Variants in PDE3B observed in about 807,000 individuals in gnomAD.
PDE3B encodes phosphodiesterase 3B.
Under a neutral mutation model 116.8 loss-of-function variants are expected in PDE3B, and 66 were observed. That is an observed-to-expected ratio of 0.56 (90% CI 0.46 to 0.69). PDE3B has a LOEUF of 0.69. PDE3B is among the 30% of genes least tolerant of loss of function. The pLI is 0.00. For missense variants in PDE3B, 1,384 were observed against 1,368.1 expected, an observed-to-expected ratio of 1.01 and a Z score of -0.18; for synonymous variants, 595 against 533.6, an observed-to-expected ratio of 1.12 and a Z score of -1.59.
chr11:14,821,840 T>G (rs954932313), intron 7 of PDE3B, among the ~76,000 whole-genome samples: 1 of 152,076 alleles, frequency 6.6e-6, no homozygotes, highest in African/African-American at 2.4e-5. Flanking sequence ...TTGCCATTAT[T>G]AAGTACGAAA....
chr11:14,869,364 C>T (rs1000469569), intron 15 of PDE3B, 97 bp from the exon 16 acceptor site: 15 of 814,938 alleles, frequency 1.8e-5, no homozygotes, highest in African/African-American at 8.7e-5. Context: ...TACTTTTATA[C>T]TCCCAGTGCT....
intron 7 of PDE3B, among the ~76,000 whole-genome samples, chr11:14,825,086 G>C (rs1277963628): frequency 6.6e-6 from 1 of 152,100 alleles, no homozygotes; most frequent in African/African-American, 2.4e-5. Context: ...TGCTGAGGAA[G>C]TTTGTTACTA....
At chr11:14,874,121 T>C (rs1450325031), downstream of PDE3B, among the ~76,000 whole-genome samples, 8 of 152,224 alleles carry the variant, frequency 5.3e-5, no homozygotes, top group African/African-American at 1.4e-4. Context: ...TTATGAATTA[T>C]AGTATTTAGA....
intron 1 of PDE3B, among the ~76,000 whole-genome samples, chr11:14,686,869 A>AG (rs767938000): frequency 2.0e-5 from 3 of 151,988 alleles, no homozygotes; most frequent in Non-Finnish European, 4.4e-5. Flanking sequence ...GCCCGCCACC[A>AG]TGGCTGGCTA....
At chr11:14,883,674 A>G in the PDE3B span, among the ~76,000 whole-genome samples, 54 of 152,138 alleles carry the variant, frequency 3.5e-4, no homozygotes, top group Non-Finnish European at 6.2e-4. Flanking sequence ...AAAAGACAAA[A>G]TTGACAAATG....
the PDE3B span, among the ~76,000 whole-genome samples, chr11:14,878,767 G>C: frequency 6.6e-6 from 1 of 152,086 alleles, no homozygotes; most frequent in Non-Finnish European, 1.5e-5. Flanking sequence ...AGCCAAGAGA[G>C]TGAGATTCTA....
chr11:14,689,293 T>C (rs1035377474), intron 1 of PDE3B, among the ~76,000 whole-genome samples: 7 of 152,160 alleles, frequency 4.6e-5, no homozygotes, highest in African/African-American at 1.7e-4. Context: ...GGGTAGACGT[T>C]ATCTAGGTGG....
intron 1 of PDE3B, among the ~76,000 whole-genome samples, chr11:14,750,601 T>C (rs926888270): frequency 5.3e-5 from 8 of 152,058 alleles, no homozygotes; most frequent in Admixed American, 1.3e-4. Flanking sequence ...ATAATGTAGA[T>C]ATGATATAAA....
intron 11 of PDE3B, among the ~76,000 whole-genome samples, chr11:14,838,694 T>C (rs1860136592): frequency 6.6e-6 from 1 of 152,216 alleles, no homozygotes; most frequent in Admixed American, 6.5e-5. Flanking sequence ...AAGTATTAAG[T>C]CTGAACACCA....
chr11:14,783,526 G>T (rs905563195), intron 2 of PDE3B, among the ~76,000 whole-genome samples: 13 of 152,096 alleles, frequency 8.5e-5, no homozygotes, highest in Non-Finnish European at 1.0e-4. Context: ...ACCAAACACC[G>T]CATGTTCTTA....
chr11:14,892,262 C>T, the PDE3B span: 1 of 1,514,902 alleles, frequency 6.6e-7, no homozygotes, highest in South Asian at 1.2e-5. Context: ...GCACTCCCTC[C>T]AGCCCTGCCA....
chr11:14,824,084 G>A (rs186839429), intron 7 of PDE3B, among the ~76,000 whole-genome samples: 4 of 152,292 alleles, frequency 2.6e-5, no homozygotes, highest in Admixed American at 2.0e-4. Context: ...TGTTCTCCAC[G>A]TAGGTCCTGG....
intron 5 of PDE3B, among the ~76,000 whole-genome samples, chr11:14,813,866 CA>C (rs1448055367): frequency 6.6e-6 from 1 of 151,980 alleles, no homozygotes; most frequent in Non-Finnish European, 1.5e-5. Context: ...AAATCCTAAA[CA>C]AAAAGTTACA....
At chr11:14,673,021 G>A (rs1854420317) in intron 1 of PDE3B, among the ~76,000 whole-genome samples, 1 of 149,316 alleles carries the variant, frequency 6.7e-6, no homozygotes, top group Non-Finnish European at 1.5e-5. Flanking sequence ...ACAATGTATT[G>A]TGTCTATCAT....
At chr11:14,716,352 C>T (rs1030094812) in intron 1 of PDE3B, among the ~76,000 whole-genome samples, 2 of 151,852 alleles carry the variant, frequency 1.3e-5, no homozygotes, top group Admixed American at 6.6e-5. Flanking sequence ...GAGGGGAGCC[C>T]GCCATTGCCC....
rs940128037 is a variant in PDE3B, at chr11:14,666,048, C to G, written c.978+20995C>G. Among the ~76,000 whole-genome samples the G allele has an allele frequency of 3.4e-4, 51 of 151,936 alleles. No homozygotes were observed. In the South Asian group the frequency reaches 6.3e-3, roughly 19 times the overall value. ...CTTCAAACTATACTACAAGGCTACA[C>G]TAACCAAAACAGCATGGTACTGGTA... On this transcript the variant is annotated intron_variant, in intron 1 of 15. Transcript: ENST00000282096.
intron 11 of PDE3B, among the ~76,000 whole-genome samples, chr11:14,838,624 C>T (rs556494999): frequency 1.3e-5 from 2 of 152,320 alleles, no homozygotes; most frequent in African/African-American, 4.8e-5. Context: ...TCCAACTCCA[C>T]TGTCACTCAT....
intron 1 of PDE3B, among the ~76,000 whole-genome samples, chr11:14,664,251 G>T (rs1157161195): frequency 1.3e-5 from 2 of 151,838 alleles, no homozygotes; most frequent in Non-Finnish European, 2.9e-5. Context: ...AGAATCTCTG[G>T]GACACATTCA....
chr11:14,819,356 T>C (rs1859443086), intron 7 of PDE3B, 147 bp downstream of exon 7: 1 of 529,550 alleles, frequency 1.9e-6, no homozygotes. Context: ...AGAGGACTTA[T>C]TTAGAACAAA....
Sources: allele counts gnomAD v4.1 joint callset (sites outside exome capture counted in the v4.1 genomes callset), GRCh38; gene constraint gnomAD v4.1.1; transcripts MANE v1.5; gene names NCBI Gene and HGNC (gene_info 2026-07-23, HGNC 2026-07-21).